PLEKHG1: variants seen among roughly 807,000 people sequenced by gnomAD.
PLEKHG1 encodes pleckstrin homology and RhoGEF domain containing G1.
PLEKHG1 carries 44 observed loss-of-function variants against 100.8 expected under a neutral mutation model. The observed-to-expected ratio is 0.44, with a 90% CI of 0.34 to 0.56. The LOEUF (loss-of-function observed/expected upper bound fraction) is 0.56, where lower values mean the gene tolerates loss of function less well. Among genes scored for constraint, PLEKHG1 ranks in the 20% least tolerant of loss-of-function variants. The probability of loss-of-function intolerance (pLI) is 0.01; values close to 1 mark genes in which losing one functional copy is unlikely to be tolerated. For missense variants in PLEKHG1, 1,545 were observed against 1,720.9 expected (o/e 0.90, Z 1.81); for synonymous variants, 640 against 662.5 (o/e 0.97, Z 0.52).
intron 5 of PLEKHG1, among the ~76,000 whole-genome samples, chr6:150,798,939 C>G (rs775767014): frequency 6.6e-6 from 1 of 152,106 alleles, no homozygotes; most frequent in Non-Finnish European, 1.5e-5. Flanking sequence ...GGGGGTTTCA[C>G]CATGTTGGCC....
intron 3 of PLEKHG1, among the ~76,000 whole-genome samples, chr6:150,702,557 G>GGTGTGTGTGTGTGTGT (rs56768740): frequency 0.02 from 2,812 of 142,848 alleles, 92 homozygotes; most frequent in African/African-American, 0.062. Context: ...TTTGTTTTGG[G>GGTGTGTGTGTGTGTGT]GTGTGTGTGT....
At chr6:150,741,900 G>A (rs992277120) in intron 2 of PLEKHG1, among the ~76,000 whole-genome samples, 2 of 152,188 alleles carry the variant, frequency 1.3e-5, no homozygotes, top group African/African-American at 4.8e-5. Context: ...TTAGCAGCAA[G>A]GCTGACTTCT....
intron 3 of PLEKHG1, among the ~76,000 whole-genome samples, chr6:150,655,553 G>A (rs536213130): frequency 1.5e-4 from 23 of 151,764 alleles, no homozygotes; most frequent in Non-Finnish European, 2.2e-4. Context: ...CTAAAAATAC[G>A]AAAGATTAGC....
In PLEKHG1 at chr6:150,774,605, G is replaced by C. The variant is rs116281057; in HGVS notation, c.512+5867G>C. Among the ~76,000 whole-genome samples, 453 of 131,892 alleles carry C rather than the reference G, an allele frequency of 3.4e-3. 4 individuals carry two copies. The highest frequency in any genetic ancestry group is 0.012 in the African/African-American group (432 of 36,200). 86.5% of individuals were successfully genotyped at this position (131,892 alleles called of 152,430 possible). A position where few individuals can be genotyped will look rare whatever the true frequency, so the allele number is the denominator to read the frequency against. ...CATTCAGGCTGGAGGGCAATGGCAC[G>C]ATCTTGGGTCACTGCAGCCTCCATC... On this transcript the variant is annotated intron_variant, in intron 3 of 15. Transcript: ENST00000358517.
At chr6:150,693,977 GTA>G (rs1462433665) in intron 3 of PLEKHG1, among the ~76,000 whole-genome samples, 2 of 152,218 alleles carry the variant, frequency 1.3e-5, no homozygotes, top group Non-Finnish European at 2.9e-5. Flanking sequence ...CAGGCTTTGT[GTA>G]TAGTTATTGC....
At chr6:150,749,618 G>A (rs1583052111) in intron 2 of PLEKHG1, among the ~76,000 whole-genome samples, 1 of 152,122 alleles carries the variant, frequency 6.6e-6, no homozygotes, top group Admixed American at 6.5e-5. Context: ...TTGATAGTCT[G>A]GGACCTGGTT....
chr6:150,608,956 T>C (rs553944118), intron 1 of PLEKHG1, among the ~76,000 whole-genome samples: 8 of 152,352 alleles, frequency 5.3e-5, no homozygotes, highest in African/African-American at 1.9e-4. Flanking sequence ...GGGTATCTTA[T>C]TGTGTTTACT....
rs1485153930 is a variant in PLEKHG1, at chr6:150,600,959, C to A, written c.-204+942C>A. On this transcript the variant is annotated intron_variant, in intron 1 of 3. Transcript: ENST00000367326. This position sits in a 1 kb window ranked among gnomAD's most constrained non-coding sequence, Gnocchi z 6.2. ...CCCGCAGGTGGCCGAGGCTACTGCA[C>A]GTATTTTCGAAATCACCGAGTGTGG... 2.0e-5 allele frequency: 3 copies of A among 152,230 alleles called. No individual in the cohort carries two copies. The highest frequency in any genetic ancestry group is 2.9e-5 in the Non-Finnish European group (2 of 68,070). 9.4% of individuals were successfully genotyped at this position (152,230 alleles called of 1,614,324 possible). A position where few individuals can be genotyped will look rare whatever the true frequency, so the allele number is the denominator to read the frequency against.
rs1306070163 is a variant in PLEKHG1 at position 150,809,803 on chromosome 6, A to G, written c.1278+69A>G. ...AGAATCATTTGAACCTGGGAGGTGG[A>G]GGTTACTGTGAGCCGAGATCACATC... On this transcript the variant is annotated intron_variant, in intron 10 of 15. Transcript: ENST00000358517. 2.6e-6 allele frequency: 3 copies of G among 1,163,572 alleles called. No homozygotes were observed. In the East Asian group the frequency reaches 7.5e-5, roughly 29 times the overall value. 72.1% of individuals were successfully genotyped at this position (1,163,572 alleles called of 1,614,324 possible).
intron 7 of PLEKHG1, among the ~76,000 whole-genome samples, chr6:150,804,999 G>A (rs747029825): frequency 1.3e-4 from 19 of 150,902 alleles, no homozygotes; most frequent in Non-Finnish European, 2.7e-4. Context: ...GCAATGGCAC[G>A]ATCTCCACTC....
At chr6:150,726,415 T>C (rs1781966523) in intron 1 of PLEKHG1, among the ~76,000 whole-genome samples, 1 of 152,226 alleles carries the variant, frequency 6.6e-6, no homozygotes, top group South Asian at 2.1e-4. Flanking sequence ...TATAACTTTT[T>C]CTATTTAATC....
At chr6:150,629,299 T>C (rs1352975) in intron 1 of PLEKHG1, among the ~76,000 whole-genome samples, 11,662 of 152,220 alleles carry the variant, frequency 0.077, 550 homozygotes, top group Non-Finnish European at 0.11. Context: ...AGATTCTACA[T>C]TGCGGCAACA....
chr6:150,821,599 G>A lies in PLEKHG1; in HGVS notation c.1447+366G>A, dbSNP rs182697284. On this transcript the variant is annotated intron_variant, in intron 13 of 15. Transcript: ENST00000358517. ...CTTGGGAGGCTGAAGCAGGAGAATC[G>A]CCTGAACCTGGGAAGCAGAGGTTGC... is the stretch of plus-strand genomic sequence containing the variant. Among the ~76,000 whole-genome samples, 1,165 of 151,820 alleles carry A rather than the reference G, an allele frequency of 7.7e-3. 10 individuals are homozygous for A. The highest frequency in any genetic ancestry group is 0.017 in the South Asian group (82 of 4,780).
At chr6:150,665,318 C>CCT (rs1779353317) in intron 3 of PLEKHG1, among the ~76,000 whole-genome samples, 1 of 152,198 alleles carries the variant, frequency 6.6e-6, no homozygotes, top group South Asian at 2.1e-4. Flanking sequence ...TTTCTTCCTG[C>CCT]CTGTATCAAG....
At chr6:150,681,899 C>T (rs1342852472) in intron 3 of PLEKHG1, among the ~76,000 whole-genome samples, 1 of 152,200 alleles carries the variant, frequency 6.6e-6, no homozygotes, top group African/African-American at 2.4e-5. Flanking sequence ...CTGAATGCTC[C>T]AGGCAGTGAT....
chr6:150,692,212 A>T (rs1026613979), intron 3 of PLEKHG1, among the ~76,000 whole-genome samples: 1 of 152,248 alleles, frequency 6.6e-6, no homozygotes, highest in Non-Finnish European at 1.5e-5. Context: ...AAAGTATTTT[A>T]TGTTTGTAAA....
intron 3 of PLEKHG1, among the ~76,000 whole-genome samples, chr6:150,669,159 G>C (rs954873457): frequency 3.9e-5 from 6 of 152,140 alleles, no homozygotes; most frequent in African/African-American, 1.4e-4. Flanking sequence ...TGTGGGTTCA[G>C]GAAAGACAAA....
At chr6:150,621,041 C>T (rs146093062) in intron 1 of PLEKHG1, among the ~76,000 whole-genome samples, 83 of 152,324 alleles carry the variant, frequency 5.4e-4, no homozygotes, top group African/African-American at 1.9e-3. Context: ...TGACTTTAGT[C>T]TCTCTGTGCC....
At chr6:150,832,204 T>C in exon 15 of PLEKHG1, 1 of 1,584,742 alleles carries the variant, frequency 6.3e-7, no homozygotes, top group Non-Finnish European at 8.6e-7. Flanking sequence ...GGCCCGCCAT[T>C]GGTATGTGCA....
Sources: allele counts gnomAD v4.1 joint callset (sites outside exome capture counted in the v4.1 genomes callset), GRCh38; gene constraint gnomAD v4.1.1; non-coding constraint Gnocchi (gnomAD v3.1); transcripts MANE v1.5; gene names NCBI Gene and HGNC (gene_info 2026-07-23, HGNC 2026-07-21).